Variants in KCNH1 observed in about 807,000 individuals in gnomAD.
The protein encoded by KCNH1 is voltage-gated delayed rectifier potassium channel KCNH1.
A neutral mutation model predicts 69.2 loss-of-function variants in KCNH1; 27 were observed. The ratio of observed to expected loss-of-function variants is 0.39; its 90% CI spans 0.29 to 0.54. The LOEUF is 0.54. Among genes scored for constraint, KCNH1 ranks in the 20% least tolerant of loss-of-function variants. The pLI, the probability that KCNH1 is intolerant of heterozygous loss-of-function variation, is 0.68. For synonymous variants in KCNH1, 456 were observed against 487.7 expected, an observed-to-expected ratio of 0.93 and a Z score of 0.86; for missense variants, 798 against 1,261.6, an observed-to-expected ratio of 0.63 and a Z score of 5.57.
intron 1 of KCNH1, among the ~76,000 whole-genome samples, chr1:211,119,723 T>C (rs1691652946): frequency 6.6e-6 from 1 of 152,218 alleles, no homozygotes. Flanking sequence ...AAAATGACTC[T>C]TCTAAATTGC....
chr1:210,859,529 T>C (rs1685929118), intron 7 of KCNH1: 9 of 1,597,312 alleles, frequency 5.6e-6, no homozygotes, highest in Non-Finnish European at 7.7e-6. Context: ...CCTGCCTGCT[T>C]AGCCAGAATC....
At chr1:211,076,247 T>C (rs992323305) in intron 5 of KCNH1, among the ~76,000 whole-genome samples, 7 of 152,194 alleles carry the variant, frequency 4.6e-5, no homozygotes, top group Non-Finnish European at 8.8e-5. Flanking sequence ...CCCAGCACAG[T>C]GTTTGACCTC....
chr1:210,891,537 A>C (rs986992057), intron 7 of KCNH1, among the ~76,000 whole-genome samples: 1 of 148,994 alleles, frequency 6.7e-6, no homozygotes. Flanking sequence ...CTTAAAGTAT[A>C]ATTAAAAAAA....
chr1:211,060,356 G>A (rs1407689167), intron 5 of KCNH1, among the ~76,000 whole-genome samples: 5 of 129,284 alleles, frequency 3.9e-5, no homozygotes, highest in East Asian at 2.3e-4. Flanking sequence ...AGCCGAGATC[G>A]CGCCACTGCA....
chr1:210,957,891 T>C (rs1203543900), intron 6 of KCNH1, among the ~76,000 whole-genome samples: 3 of 152,202 alleles, frequency 2.0e-5, no homozygotes, highest in Non-Finnish European at 2.9e-5. Flanking sequence ...TGTCTTTTAA[T>C]TGGGGCATTT....
At chr1:211,122,866 A>C (rs918641675) in intron 1 of KCNH1, among the ~76,000 whole-genome samples, 2 of 152,104 alleles carry the variant, frequency 1.3e-5, no homozygotes, top group Non-Finnish European at 2.9e-5. Context: ...GAATGGGTCG[A>C]TAGGTGCAGC....
At chr1:211,078,746 G>C (rs1690785865) in intron 5 of KCNH1, among the ~76,000 whole-genome samples, 1 of 151,880 alleles carries the variant, frequency 6.6e-6, no homozygotes, top group South Asian at 2.1e-4. Flanking sequence ...AAAGCTAGCA[G>C]AAGGCAAGAA....
chr1:210,906,432 T>G (rs1288509835), intron 7 of KCNH1, among the ~76,000 whole-genome samples: 1 of 152,166 alleles, frequency 6.6e-6, no homozygotes, highest in Non-Finnish European at 1.5e-5. Flanking sequence ...ACATGACTCC[T>G]CCCAGACTCA....
intron 9 of KCNH1, among the ~76,000 whole-genome samples, chr1:210,795,615 A>C (rs1684296385): frequency 6.6e-6 from 1 of 152,212 alleles, no homozygotes; most frequent in Non-Finnish European, 1.5e-5. Context: ...AAAGTCAAGC[A>C]GGAATAAAGT....
chr1:210,807,656 T>A (rs1044450241), intron 7 of KCNH1, among the ~76,000 whole-genome samples: 1 of 149,408 alleles, frequency 6.7e-6, no homozygotes, highest in African/African-American at 2.6e-5. Flanking sequence ...AATAATAATG[T>A]TACAGAAATG....
rs1386882341 is a variant in KCNH1, at chr1:211,092,365, T to C, written c.311-1675A>G. 2.0e-5 allele frequency among the ~76,000 whole-genome samples: 3 copies of C among 152,218 alleles called. No individual in the cohort carries two copies. The East Asian group carries it at 5.8e-4, about 29-fold the overall frequency. On this transcript the variant is annotated intron_variant, in intron 3 of 10. Transcript: ENST00000271751. ...GATTTGGCTACACCACCTATTCACA[T>C]GTCAGTAGTAATAACCCTGAAATGT...
chr1:210,854,713 C>G (rs1234553315), intron 7 of KCNH1, among the ~76,000 whole-genome samples: 1 of 152,022 alleles, frequency 6.6e-6, no homozygotes. Flanking sequence ...AGTCCAGACT[C>G]CAGGTGTCTG....
intron 9 of KCNH1, among the ~76,000 whole-genome samples, chr1:210,790,350 ACTTC>A (rs1353230337): frequency 6.6e-6 from 1 of 151,874 alleles, no homozygotes; most frequent in Non-Finnish European, 1.5e-5. Context: ...TCTCACCACC[ACTTC>A]CTCCTGACTT....
chr1:210,750,918 C>T (rs1294176569), intron 10 of KCNH1, among the ~76,000 whole-genome samples: 1 of 151,960 alleles, frequency 6.6e-6, no homozygotes, highest in African/African-American at 2.4e-5. Flanking sequence ...AAGAACTTGC[C>T]CTGGTGGCAA....
chr1:210,912,483 T>C (rs1045669231), intron 7 of KCNH1, among the ~76,000 whole-genome samples: 6 of 152,244 alleles, frequency 3.9e-5, no homozygotes, highest in Non-Finnish European at 8.8e-5. Flanking sequence ...CACTGTAATG[T>C]ACCTGATATT....
At chr1:210,995,413 T>C (rs1361102987) in intron 6 of KCNH1, among the ~76,000 whole-genome samples, 1 of 152,154 alleles carries the variant, frequency 6.6e-6, no homozygotes, top group Non-Finnish European at 1.5e-5. Flanking sequence ...ATTCTAATGC[T>C]GTGGGAAAAA....
chr1:210,722,720 A>G (rs116504272), intron 10 of KCNH1, among the ~76,000 whole-genome samples: 98 of 152,352 alleles, frequency 6.4e-4, no homozygotes, highest in African/African-American at 2.2e-3. Flanking sequence ...TGGTCTCCAT[A>G]AAAGTGGATG....
chr1:210,945,182 T>C (rs1168452348), intron 6 of KCNH1, among the ~76,000 whole-genome samples: 2 of 152,242 alleles, frequency 1.3e-5, no homozygotes, highest in African/African-American at 4.8e-5. Context: ...GGGTTGTGTC[T>C]ACCTTTTGGC....
chr1:210,988,430 C>G lies in KCNH1; in HGVS notation c.1032+30353G>C, dbSNP rs1025461176. ...CTATTCAGCCATCTTGGCTCCTCCC[C>G]CTATGCGAGAATACTTAAAGCTTTA... On this transcript the variant is annotated intron_variant, in intron 6 of 10. Transcript: ENST00000271751. Among the ~76,000 whole-genome samples, 4 of 152,126 alleles carry G rather than the reference C, an allele frequency of 2.6e-5. 1 individual carries two copies. The highest frequency in any genetic ancestry group is 3.2e-3 in the Middle Eastern group (1 of 316).
Sources: gnomAD v4.1 joint callset for allele counts (sites outside exome capture counted in the v4.1 genomes callset) on GRCh38, gnomAD v4.1.1 for gene constraint, MANE v1.5 for transcripts, NCBI Gene and HGNC (gene_info 2026-07-23, HGNC 2026-07-21) for gene names.